CFHR3: variants seen among roughly 807,000 people sequenced by gnomAD.
CFHR3 encodes the protein complement factor H-related protein 3.
A neutral mutation model predicts 36.0 loss-of-function variants in CFHR3; 22 were observed. The observed-to-expected ratio is 0.61, with a 90% CI of 0.44 to 0.87. The LOEUF (loss-of-function observed/expected upper bound fraction) is 0.87. Among genes scored for constraint, CFHR3 ranks in the 40% least tolerant of loss-of-function variants. The probability of loss-of-function intolerance (pLI) is 0.00; values close to 1 mark genes in which losing one functional copy is unlikely to be tolerated. For synonymous variants in CFHR3, 97 were observed against 137.4 expected, an observed-to-expected ratio of 0.71 and a Z score of 2.06; for missense variants, 276 against 401.3, an observed-to-expected ratio of 0.69 and a Z score of 2.67.
chr1:196,782,068 C>T (rs1653974497), intron 3 of CFHR3, among the ~76,000 whole-genome samples: 1 of 137,206 alleles, frequency 7.3e-6, no homozygotes, highest in South Asian at 2.5e-4. Flanking sequence ...GAATCCTTTC[C>T]CCATTACTTG....
At chr1:196,781,834 T>C (rs1313358758) in intron 3 of CFHR3, among the ~76,000 whole-genome samples, 1 of 135,938 alleles carries the variant, frequency 7.4e-6, no homozygotes, top group Non-Finnish European at 1.6e-5. Flanking sequence ...ATTTTGGCTT[T>C]TGTTGCCATT....
rs1191641206 is a variant in CFHR3 at position 196,785,919 on chromosome 1, C to T, written c.431-2297C>T. ...CCAGTTTTTCTGCTCTGTTTTTTCC[C>T]CATCTTTGTGGTTTTATCTACTTTT... On this transcript the variant is annotated intron_variant, in intron 3 of 5. Transcript: ENST00000367425. Among the ~76,000 whole-genome samples the T allele has an allele frequency of 3.7e-5, 5 of 135,602 alleles. 1 individual carries two copies. Among genetic ancestry groups the T allele is most frequent in the Middle Eastern group, 4.0e-3 (1 of 252 alleles). The allele number at this position is 135,602 out of a possible 152,430, so 89.0% of individuals were successfully genotyped here. A position where few individuals can be genotyped will look rare whatever the true frequency, so the allele number is the denominator to read the frequency against.
chr1:196,780,097 CTATT>C (rs1242871295), intron 3 of CFHR3, 124 bp downstream of exon 3: 1 of 1,270,292 alleles, frequency 7.9e-7, no homozygotes, highest in Non-Finnish European at 1.1e-6. Flanking sequence ...GCCAACGGAC[CTATT>C]TAGTTTTACT....
chr1:196,783,733 G>A (rs1424551217), intron 3 of CFHR3, among the ~76,000 whole-genome samples: 1 of 135,650 alleles, frequency 7.4e-6, no homozygotes, highest in Non-Finnish European at 1.6e-5. Context: ...TATCGATTTT[G>A]TTGATCCTTT....
intron 1 of CFHR3, among the ~76,000 whole-genome samples, chr1:196,776,296 C>T (rs1352677849): frequency 1.5e-5 from 2 of 136,420 alleles, no homozygotes; most frequent in Non-Finnish European, 3.1e-5. Context: ...AGCAAAATGT[C>T]TTGTAAATTT....
Position 196,785,111 on chromosome 1 carries a change from T to A in CFHR3, c.431-3105T>A, listed in dbSNP as rs1348645273. On this transcript the variant is annotated intron_variant, in intron 3 of 5. Coordinates refer to ENST00000367425, the MANE Select transcript of CFHR3 (RefSeq NM_021023.6). ...ATTCTGGGTTGAAAATTCTTCTCTT[T>A]AAGAATGTTGAATATTGGCCCCCAC... Among the ~76,000 whole-genome samples the A allele has an allele frequency of 1.5e-5, 2 of 136,506 alleles. 1 individual carries two copies. Among genetic ancestry groups the A allele is most frequent in the Non-Finnish European group, 3.1e-5 (2 of 64,442 alleles). 89.6% of individuals were successfully genotyped at this position (136,506 alleles called of 152,430 possible).
chr1:196,787,748 T>C (rs116375540), intron 3 of CFHR3, among the ~76,000 whole-genome samples: 2,456 of 136,934 alleles, frequency 0.018, 606 homozygotes, highest in African/African-American at 0.068. Context: ...ATGACAACCA[T>C]TTTAAATTCT....
At position 196,786,701 on chromosome 1, in the gene CFHR3, G is replaced by C. The variant is rs186660791; in HGVS notation, c.431-1515G>C. On this transcript the variant is annotated intron_variant, in intron 3 of 5. Coordinates refer to ENST00000367425, the MANE Select transcript of CFHR3 (RefSeq NM_021023.6). ...GGAGTGACCCGATTTTCCAGGTGCC[G>C]TGTGTCACCCCTTTCTTTGACTAGG... Among the ~76,000 whole-genome samples the C allele has an allele frequency of 6.6e-5, 9 of 136,800 alleles. 2 individuals are homozygous for C. Among genetic ancestry groups the C allele is most frequent in the Non-Finnish European group, 9.3e-5 (6 of 64,454 alleles). The allele number at this position is 136,800 out of a possible 152,430, so 89.7% of individuals were successfully genotyped here. A position where few individuals can be genotyped will look rare whatever the true frequency, so the allele number is the denominator to read the frequency against.
chr1:196,775,025 T>A, intron 1 of CFHR3, 81 bp downstream of exon 1: 1 of 1,176,756 alleles, frequency 8.5e-7, no homozygotes, highest in Non-Finnish European at 1.2e-6. Context: ...TGTCTATAAT[T>A]ATTTTATGAA....
chr1:196,791,027 C>A lies in CFHR3; in HGVS notation c.796+800C>A, dbSNP rs12738227. Among the ~76,000 whole-genome samples, 8 of 136,658 alleles carry A rather than the reference C, an allele frequency of 5.9e-5. 1 individual carries two copies. Among genetic ancestry groups the A allele is most frequent in the African/African-American group, 2.4e-4 (8 of 32,814 alleles). 89.7% of individuals were successfully genotyped at this position (136,658 alleles called of 152,430 possible). ...CACAAACTATTAAACCCTACTTGAA[C>A]ACATGAAATTTTTCCTGATAGAACA... is the stretch of plus-strand genomic sequence containing the variant. On this transcript the variant is annotated intron_variant, in intron 5 of 5. Transcript: ENST00000367425.
chr1:196,789,608 T>G, intron 4 of CFHR3: 1 of 1,350,668 alleles, frequency 7.4e-7, no homozygotes, highest in South Asian at 1.7e-5. Flanking sequence ...ATGGTTACAT[T>G]AACTTTTAAA....
In CFHR3 at chr1:196,793,252, G is replaced by C. The variant is rs1654480396; in HGVS notation, c.797-65G>C. On this transcript the variant is annotated intron_variant, in intron 5 of 5. Coordinates refer to ENST00000367425, the MANE Select transcript of CFHR3 (RefSeq NM_021023.6). The stretch of plus-strand genomic sequence containing the variant: ...TTATTTTATCCTAAACTACTCATTA[G>C]GATGCATTTTATTTGCTCATGAAAG... The C allele has an allele frequency of 9.0e-6, 12 of 1,333,058 alleles. 2 individuals carry two copies. The highest frequency in any genetic ancestry group is 1.2e-5 in the Non-Finnish European group (12 of 983,518). 82.6% of individuals were successfully genotyped at this position (1,333,058 alleles called of 1,614,324 possible).
At position 196,784,646 on chromosome 1, in the gene CFHR3, C is replaced by T. The variant is rs1484155215; in HGVS notation, c.431-3570C>T. Among the ~76,000 whole-genome samples, 5 of 134,868 alleles carry T rather than the reference C, an allele frequency of 3.7e-5. 1 individual carries two copies. Among genetic ancestry groups the T allele is most frequent in the African/African-American group, 3.1e-5 (1 of 31,796 alleles). 88.5% of individuals were successfully genotyped at this position (134,868 alleles called of 152,430 possible). ...GCAACCCCTGCCTTTTTTTGTTTTC[C>T]ATTTGCTTGGTAGATCTTCCTCCAT... On this transcript the variant is annotated intron_variant, in intron 3 of 5. Transcript: ENST00000367425.
intron 4 of CFHR3, chr1:196,789,145 G>A: frequency 1.0e-6 from 1 of 985,052 alleles, no homozygotes; most frequent in South Asian, 3.8e-5. Flanking sequence ...ATAAATTGCT[G>A]AATGTATTTT....
intron 3 of CFHR3, among the ~76,000 whole-genome samples, chr1:196,783,535 A>G (rs201225795): frequency 0.24 from 30,582 of 126,428 alleles, 7,319 homozygotes; most frequent in East Asian, 0.49. Flanking sequence ...GTCTTGGGAG[A>G]GTGTATGTGT....
In CFHR3 at chr1:196,774,916, C is replaced by G. The variant is rs766791315; in HGVS notation, c.30C>G (p.Thr10=). 39 of 1,529,470 alleles carry G rather than the reference C, an allele frequency of 2.5e-5. 9 individuals carry two copies. In the South Asian group the frequency reaches 4.7e-4, roughly 18 times the overall value. The allele number at this position is 1,529,470 out of a possible 1,614,324, so 94.7% of individuals were successfully genotyped here. A position where few individuals can be genotyped will look rare whatever the true frequency, so the allele number is the denominator to read the frequency against. Reference sequence around the variant, plus strand: ...TGTTACTAATCAATGTCATTCTGACCTTGTGGGTTTCCTGTGCTAATGGAC... The same window carrying G: ...TGTTACTAATCAATGTCATTCTGACGTTGTGGGTTTCCTGTGCTAATGGAC... MLLLINVIL[T]LWVSCANGQV... The change falls in exon 1 of 6, where the codon ACC becomes ACG. Residue 10 remains threonine, a synonymous_variant. Transcript: ENST00000367425.
chr1:196,789,520 G>C, intron 4 of CFHR3: 1 of 956,550 alleles, frequency 1.0e-6, no homozygotes, highest in East Asian at 4.3e-5. Flanking sequence ...AAATTTTATA[G>C]AACTTATATC....
chr1:196,776,719 T>C (rs1344603248), intron 1 of CFHR3, among the ~76,000 whole-genome samples: 1 of 136,716 alleles, frequency 7.3e-6, no homozygotes, highest in Non-Finnish European at 1.6e-5. Context: ...AATAAATTTC[T>C]ATGAAATCAG....
chr1:196,786,800 C>T lies in CFHR3; in HGVS notation c.431-1416C>T, dbSNP rs1475106780. ...CCCCTGCTTTGGCTCACGCACGGTG[C>T]GCTGCACCCATTGTCCTGCACCCAC... On this transcript the variant is annotated intron_variant, in intron 3 of 5. Transcript: ENST00000367425. Among the ~76,000 whole-genome samples, 7 of 137,168 alleles carry T rather than the reference C, an allele frequency of 5.1e-5. 1 individual carries two copies. The highest frequency in any genetic ancestry group is 1.5e-4 in the African/African-American group (5 of 32,906). 90.0% of individuals were successfully genotyped at this position (137,168 alleles called of 152,430 possible). A position where few individuals can be genotyped will look rare whatever the true frequency, so the allele number is the denominator to read the frequency against.
Sources: allele counts gnomAD v4.1 joint callset (sites outside exome capture counted in the v4.1 genomes callset), GRCh38; gene constraint gnomAD v4.1.1; transcripts MANE v1.5; gene names NCBI Gene and HGNC (gene_info 2026-07-23, HGNC 2026-07-21).